IGF2BP2: variants seen among roughly 807,000 people sequenced by gnomAD.
The protein encoded by IGF2BP2 is insulin like growth factor 2 mRNA binding protein 2, also known as insulin-like growth factor 2 mRNA-binding protein 2.
In IGF2BP2, 17 loss-of-function variants were observed where a neutral mutation model predicts 75.8. The ratio of observed to expected loss-of-function variants is 0.22; its 90% CI spans 0.15 to 0.34. The LOEUF is 0.34. Ranked by LOEUF, IGF2BP2 falls within the 10% of genes least tolerant of loss-of-function variation. IGF2BP2 has a pLI of 1.00. For missense variants in IGF2BP2, 516 were observed against 772.4 expected, an observed-to-expected ratio of 0.67 and a Z score of 3.93; for synonymous variants, 288 against 295.6, an observed-to-expected ratio of 0.97 and a Z score of 0.26.
chr3:185,708,187 G>A (rs1404660831), intron 2 of IGF2BP2, among the ~76,000 whole-genome samples: 1 of 152,110 alleles, frequency 6.6e-6, no homozygotes, highest in Non-Finnish European at 1.5e-5. Context: ...GTTAGGGAGT[G>A]GTATTTTTGA....
chr3:185,685,322 A>G (rs1185023185), intron 7 of IGF2BP2, among the ~76,000 whole-genome samples: 1 of 151,968 alleles, frequency 6.6e-6, no homozygotes, highest in African/African-American at 2.4e-5. Context: ...GTACTCGACA[A>G]GAGTGAAACT....
Position 185,674,854 on chromosome 3 carries a change from T to C in IGF2BP2, c.1071+442A>G, listed in dbSNP as rs1307485609. Among the ~76,000 whole-genome samples, 4 of 152,102 alleles carry C rather than the reference T, an allele frequency of 2.6e-5. No individual in the cohort carries two copies. In the East Asian group the frequency reaches 5.8e-4, roughly 22 times the overall value. On this transcript the variant is annotated intron_variant, in intron 9 of 15. Coordinates refer to ENST00000382199, the MANE Select transcript of IGF2BP2 (RefSeq NM_006548.6). Reference sequence around the variant, plus strand: ...ATATCTTGCTTTTCTTATTTAGAGATGGGGTCTCACTCTGTTGCCCAGGCT... The same window carrying C: ...ATATCTTGCTTTTCTTATTTAGAGACGGGGTCTCACTCTGTTGCCCAGGCT...
chr3:185,817,701 G>A (rs1740788806), intron 2 of IGF2BP2, among the ~76,000 whole-genome samples: 1 of 152,204 alleles, frequency 6.6e-6, no homozygotes, highest in East Asian at 1.9e-4. Flanking sequence ...ATGATAAATG[G>A]GAGGAAAGAC....
intron 2 of IGF2BP2, among the ~76,000 whole-genome samples, chr3:185,735,936 TTTATAAACTATATGCATACACTTTG>T (rs1728797740): frequency 6.6e-6 from 1 of 152,096 alleles, no homozygotes; most frequent in African/African-American, 2.4e-5. Context: ...AGAAGATTAG[TTTATAAACTATATGCATACACTTTG>T]TTATCTCAAG....
chr3:185,733,565 T>C (rs1334831215), intron 2 of IGF2BP2, among the ~76,000 whole-genome samples: 2 of 152,208 alleles, frequency 1.3e-5, no homozygotes, highest in Non-Finnish European at 2.9e-5. Context: ...GAGACCAGCC[T>C]GACCAACATG....
chr3:185,678,386 C>T (rs993298873), intron 7 of IGF2BP2, among the ~76,000 whole-genome samples: 1 of 152,100 alleles, frequency 6.6e-6, no homozygotes, highest in Non-Finnish European at 1.5e-5. Context: ...ATTAAGATTC[C>T]CAGATAAATA....
intron 2 of IGF2BP2, among the ~76,000 whole-genome samples, chr3:185,747,218 T>C (rs1327079629): frequency 6.6e-6 from 1 of 152,238 alleles, no homozygotes; most frequent in Non-Finnish European, 1.5e-5. Context: ...TTTACTGCTA[T>C]GAAGAAATTT....
At chr3:185,823,378 A>G (rs1437674581) in intron 1 of IGF2BP2, 165 bp from the exon 2 acceptor site, 7 of 493,050 alleles carry the variant, frequency 1.4e-5, no homozygotes, top group Non-Finnish European at 1.5e-5. Context: ...GTAGAAAGAA[A>G]GGTGGGCGCC....
chr3:185,793,917 T>G (rs1237017204), intron 2 of IGF2BP2, among the ~76,000 whole-genome samples: 1 of 151,178 alleles, frequency 6.6e-6, no homozygotes, highest in Non-Finnish European at 1.5e-5. Flanking sequence ...TGATTGTGTT[T>G]GCAAACATGC....
intron 2 of IGF2BP2, among the ~76,000 whole-genome samples, chr3:185,742,204 A>AC (rs1303625590): frequency 2.7e-4 from 41 of 151,434 alleles, no homozygotes; most frequent in Non-Finnish European, 4.9e-4. Flanking sequence ...AAAAAAAAAA[A>AC]ATTAGCCGGC....
chr3:185,699,114 T>A (rs971911335), intron 2 of IGF2BP2, among the ~76,000 whole-genome samples: 2 of 152,062 alleles, frequency 1.3e-5, no homozygotes, highest in African/African-American at 4.8e-5. Context: ...CACACTGGCC[T>A]CATGAGCATG....
chr3:185,681,143 C>T (rs1720326617), intron 7 of IGF2BP2, among the ~76,000 whole-genome samples: 2 of 152,104 alleles, frequency 1.3e-5, no homozygotes, highest in Admixed American at 6.5e-5. Flanking sequence ...GAAAGAAAGA[C>T]ATAAAATGAT....
At chr3:185,798,814 G>C (rs78839053) in intron 2 of IGF2BP2, among the ~76,000 whole-genome samples, 40,383 of 142,556 alleles carry the variant, frequency 0.28, 6,075 homozygotes, top group African/African-American at 0.39. Flanking sequence ...TTTTGAGACA[G>C]AATCTTACTC....
At chr3:185,652,045 C>A in intron 13 of IGF2BP2, 49 bp downstream of exon 13, 6 of 1,469,706 alleles carry the variant, frequency 4.1e-6, no homozygotes, top group Non-Finnish European at 2.8e-6. Context: ...TCTGAGGTGG[C>A]TGCTCTGTGC....
At chr3:185,739,162 G>A (rs1015641948) in intron 2 of IGF2BP2, among the ~76,000 whole-genome samples, 4 of 152,094 alleles carry the variant, frequency 2.6e-5, no homozygotes, top group Admixed American at 6.6e-5. Context: ...ATACTCTTGT[G>A]GAATAGGGAT....
Position 185,719,807 on chromosome 3 carries a change from C to A in IGF2BP2, c.240-21460G>T, listed in dbSNP as rs545207236. On this transcript the variant is annotated intron_variant, in intron 2 of 15. Coordinates refer to ENST00000382199, the MANE Select transcript of IGF2BP2 (RefSeq NM_006548.6). ...CGAGATCACGCCACTGCACTCCAGC[C>A]TGGGTGACAGAGCGAGACTCTGTCT... Among the ~76,000 whole-genome samples the A allele has an allele frequency of 2.0e-5, 3 of 152,158 alleles. No homozygotes were observed. The South Asian group carries it at 6.2e-4, about 32-fold the overall frequency.
intron 2 of IGF2BP2, among the ~76,000 whole-genome samples, chr3:185,723,094 T>G (rs1356676843): frequency 1.3e-5 from 2 of 152,206 alleles, no homozygotes; most frequent in Non-Finnish European, 2.9e-5. Context: ...AACAGAGACT[T>G]TTACGTCTTC....
chr3:185,779,080 CT>C lies in IGF2BP2; in HGVS notation c.239+44072del, dbSNP rs59796150. Reference sequence around the variant, plus strand: ...TAAGGTAGGCAGATATGGAACAAAGCTTTTTTTTTTTTTGCAGTTATTTTTA... The same window carrying C: ...TAAGGTAGGCAGATATGGAACAAAGCTTTTTTTTTTTTGCAGTTATTTTTA... On this transcript the variant is annotated intron_variant, in intron 2 of 15. Transcript: ENST00000382199. Among the ~76,000 whole-genome samples the C allele has an allele frequency of 8.6e-3, 1,205 of 139,740 alleles. 11 individuals are homozygous for C. Among genetic ancestry groups the C allele is most frequent in the African/African-American group, 0.022 (847 of 38,914 alleles). 91.7% of individuals were successfully genotyped at this position (139,740 alleles called of 152,430 possible). A position where few individuals can be genotyped will look rare whatever the true frequency, so the allele number is the denominator to read the frequency against.
chr3:185,769,889 C>T (rs1578244814), intron 2 of IGF2BP2, among the ~76,000 whole-genome samples: 2 of 149,514 alleles, frequency 1.3e-5, no homozygotes, highest in African/African-American at 2.5e-5. Flanking sequence ...ACCACATGAA[C>T]CAAGAGGTCT....
Sources: gnomAD v4.1 joint callset for allele counts (sites outside exome capture counted in the v4.1 genomes callset) on GRCh38, gnomAD v4.1.1 for gene constraint, MANE v1.5 for transcripts, NCBI Gene and HGNC (gene_info 2026-07-23, HGNC 2026-07-21) for gene names.